GABRA1: variants seen among roughly 807,000 people sequenced by gnomAD.
The protein encoded by GABRA1 is gamma-aminobutyric acid receptor subunit alpha-1.
Under a neutral mutation model 48.9 loss-of-function variants are expected in GABRA1, and 9 were observed. That is an observed-to-expected ratio of 0.18 (90% CI 0.11 to 0.32). The LOEUF is 0.32. Among genes scored for constraint, GABRA1 ranks in the 10% least tolerant of loss-of-function variants. GABRA1 has a pLI of 1.00. For missense variants in GABRA1, 285 were observed against 553.8 expected (o/e 0.51, Z 4.87); for synonymous variants, 210 against 198.7 (o/e 1.06, Z -0.48).
At chr5:161,859,287 T>C (rs566322874) in intron 3 of GABRA1, among the ~76,000 whole-genome samples, 13 of 151,850 alleles carry the variant, frequency 8.6e-5, no homozygotes, top group African/African-American at 3.1e-4. Context: ...TCTTGAATTA[T>C]TTATGCCAAT....
At chr5:161,886,297 TTTTGCAACTTATTTACTG>T (rs1359133379) in intron 7 of GABRA1, among the ~76,000 whole-genome samples, 10 of 152,030 alleles carry the variant, frequency 6.6e-5, no homozygotes, top group African/African-American at 2.4e-4. Flanking sequence ...TCAATGCTGG[TTTTGCAACTTATTTACTG>T]TGTGACTTTT....
intron 8 of GABRA1, among the ~76,000 whole-genome samples, chr5:161,892,995 A>G (rs1255644174): frequency 7.4e-6 from 1 of 134,660 alleles, no homozygotes; most frequent in Non-Finnish European, 1.6e-5. Context: ...ACAGAGCGAG[A>G]CTCCTTCTCA....
chr5:161,878,527 A>G (rs182411498), intron 6 of GABRA1, among the ~76,000 whole-genome samples: 2 of 152,228 alleles, frequency 1.3e-5, no homozygotes, highest in Non-Finnish European at 2.9e-5. Context: ...AGTCTGTAAT[A>G]AATGTTTATG....
At chr5:161,866,024 T>TA (rs1004267522) in intron 4 of GABRA1, among the ~76,000 whole-genome samples, 1 of 152,070 alleles carries the variant, frequency 6.6e-6, no homozygotes, top group East Asian at 1.9e-4. Context: ...CATCTTTTTT[T>TA]AAAAAATATT....
In GABRA1 at chr5:161,899,393, T is replaced by C. The variant is rs886060372; in HGVS notation, c.*1971T>C. On this transcript the variant is annotated 3_prime_UTR_variant, in exon 10 of 10. Coordinates refer to ENST00000393943, the MANE Select transcript of GABRA1 (RefSeq NM_001127644.2). ...TAGATATTATGTATAGAAAATAAAA[T>C]AAATTATGGCTCTAACTTCTGTGTT... 1.3e-5 allele frequency: 2 copies of C among 152,394 alleles called. No individual in the cohort carries two copies. Among genetic ancestry groups the C allele is most frequent in the Non-Finnish European group, 2.9e-5 (2 of 67,974 alleles). The allele number at this position is 152,394 out of a possible 1,614,324, so 9.4% of individuals were successfully genotyped here. A position where few individuals can be genotyped will look rare whatever the true frequency, so the allele number is the denominator to read the frequency against.
chr5:161,882,418 T>G, intron 6 of GABRA1, 140 bp from the exon 7 acceptor site: 1 of 763,782 alleles, frequency 1.3e-6, no homozygotes, highest in Non-Finnish European at 2.2e-6. Context: ...TTTTTGTAAA[T>G]TAAGGGACAT....
At chr5:161,878,696 A>AATG (rs1179061156) in intron 6 of GABRA1, among the ~76,000 whole-genome samples, 5 of 152,146 alleles carry the variant, frequency 3.3e-5, no homozygotes, top group African/African-American at 2.4e-5. Context: ...ACCCGAGGGC[A>AATG]ATGTGCATGA....
At chr5:161,855,217 A>G (rs1757604188) in intron 3 of GABRA1, among the ~76,000 whole-genome samples, 1 of 151,614 alleles carries the variant, frequency 6.6e-6, no homozygotes, top group Non-Finnish European at 1.5e-5. Flanking sequence ...GACAGCACAG[A>G]TAAGCAAAGA....
intron 3 of GABRA1, among the ~76,000 whole-genome samples, chr5:161,863,984 C>T (rs4437416): frequency 0.068 from 10,324 of 151,880 alleles, 461 homozygotes; most frequent in Non-Finnish European, 0.096. Context: ...TCCCCCCTTG[C>T]TGCCCCGCCA....
At chr5:161,858,570 C>G (rs191795116) in intron 3 of GABRA1, among the ~76,000 whole-genome samples, 1 of 151,696 alleles carries the variant, frequency 6.6e-6, no homozygotes. Context: ...GTGATGCCAC[C>G]AAGCTAAGGG....
At chr5:161,887,209 G>A (rs1754887935) in intron 7 of GABRA1, among the ~76,000 whole-genome samples, 1 of 152,112 alleles carries the variant, frequency 6.6e-6, no homozygotes, top group African/African-American at 2.4e-5. Context: ...ATCCTTAAAA[G>A]AGATGACTAA....
chr5:161,851,064 G>T (rs551032319), intron 2 of GABRA1, among the ~76,000 whole-genome samples, 180 bp downstream of exon 2: 1 of 152,252 alleles, frequency 6.6e-6, no homozygotes, highest in East Asian at 1.9e-4. Context: ...ATGTTTGCAC[G>T]TTAGTTAGAA....
chr5:161,873,044 ACT>A (rs1392588551), intron 4 of GABRA1, 71 bp from the exon 5 acceptor site: 11 of 1,192,790 alleles, frequency 9.2e-6, no homozygotes, highest in Non-Finnish European at 1.4e-5. Flanking sequence ...AAAATTATGC[ACT>A]GTCTGCGTTA....
chr5:161,895,978 T>C (rs1053341164), intron 9 of GABRA1, 110 bp downstream of exon 9: 12 of 911,554 alleles, frequency 1.3e-5, no homozygotes, highest in Non-Finnish European at 2.1e-5. Context: ...ATAATAAGGA[T>C]TCTTTTTTTC....
intron 5 of GABRA1, among the ~76,000 whole-genome samples, 195 bp from the exon 6 acceptor site, chr5:161,875,365 C>T (rs1407585319): frequency 6.6e-6 from 1 of 152,112 alleles, no homozygotes; most frequent in Non-Finnish European, 1.5e-5. Context: ...TTAAAGCAAA[C>T]AAACAAAAGG....
At chr5:161,875,069 C>T (rs1754286967) in intron 5 of GABRA1, among the ~76,000 whole-genome samples, 1 of 152,102 alleles carries the variant, frequency 6.6e-6, no homozygotes, top group South Asian at 2.1e-4. Context: ...AGCCTGAGGA[C>T]ACATCCCCCT....
intron 8 of GABRA1, among the ~76,000 whole-genome samples, chr5:161,892,591 A>C (rs1755142499): frequency 6.6e-6 from 1 of 152,248 alleles, no homozygotes; most frequent in African/African-American, 2.4e-5. Flanking sequence ...GATATTAATT[A>C]GCAATGAACT....
chr5:161,886,401 G>A (rs772982127), intron 7 of GABRA1, among the ~76,000 whole-genome samples: 20 of 151,372 alleles, frequency 1.3e-4, no homozygotes, highest in Non-Finnish European at 2.7e-4. Context: ...ATGGAAATAA[G>A]AAAATGCATG....
Position 161,879,468 on chromosome 5 carries a change from G to A in GABRA1, c.560-3090G>A, listed in dbSNP as rs142854843. Among the ~76,000 whole-genome samples the A allele has an allele frequency of 4.2e-3, 633 of 152,246 alleles. 3 individuals are homozygous for A. Among genetic ancestry groups the A allele is most frequent in the Middle Eastern group, 6.8e-3 (2 of 294 alleles). On this transcript the variant is annotated intron_variant, in intron 6 of 9. Transcript: ENST00000393943. Reference sequence around the variant, plus strand: ...GGGGCATTATAATTTATTTGAAATTGTAACTTAAAATTTTTGGCTAAGTAG... The same window carrying A: ...GGGGCATTATAATTTATTTGAAATTATAACTTAAAATTTTTGGCTAAGTAG...
Sources: gnomAD v4.1 joint callset for allele counts (sites outside exome capture counted in the v4.1 genomes callset) on GRCh38, gnomAD v4.1.1 for gene constraint, MANE v1.5 for transcripts, NCBI Gene and HGNC (gene_info 2026-07-23, HGNC 2026-07-21) for gene names.